The following CPVL variants were observed in gnomAD, a reference collection of about 807,000 sequenced individuals.
CPVL encodes the protein probable serine carboxypeptidase CPVL.
In CPVL, 51 loss-of-function variants were observed where a neutral mutation model predicts 63.7. That is an observed-to-expected ratio of 0.80 (90% CI 0.64 to 1.01). CPVL has a LOEUF of 1.01. Ranked by LOEUF, CPVL falls within the 50% of genes least tolerant of loss-of-function variation. The pLI, the probability that CPVL is intolerant of heterozygous loss-of-function variation, is 0.00. For synonymous variants in CPVL, 195 were observed against 206.0 expected, an observed-to-expected ratio of 0.95 and a Z score of 0.46; for missense variants, 530 against 573.1, an observed-to-expected ratio of 0.92 and a Z score of 0.77.
chr7:29,170,204 T>G (rs1316776783), intron 5 of CPVL, among the ~76,000 whole-genome samples: 3 of 152,192 alleles, frequency 2.0e-5, no homozygotes, highest in Non-Finnish European at 4.4e-5. Context: ...CCTTGGCTAC[T>G]TTATGTTTAA....
In CPVL at chr7:29,069,088, C is replaced by T. The variant is rs570556285; in HGVS notation, c.864+2685G>A. Among the ~76,000 whole-genome samples the T allele has an allele frequency of 1.1e-4, 17 of 152,178 alleles. No homozygotes were observed. The South Asian group carries it at 2.7e-3, about 24-fold the overall frequency. On this transcript the variant is annotated intron_variant, in intron 9 of 12. Coordinates refer to ENST00000265394, the MANE Select transcript of CPVL (RefSeq NM_031311.5). ...ACTCATTGTTAGAAATTATCTTCAA[C>T]ACCAGTGGGAATATAAAGTCAACCT...
chr7:29,001,827 A>G (rs1401063035), intron 12 of CPVL, among the ~76,000 whole-genome samples: 2 of 152,234 alleles, frequency 1.3e-5, no homozygotes, highest in African/African-American at 4.8e-5. Context: ...GGGGCTTCCT[A>G]TGTACACCAT....
chr7:29,180,394 G>A (rs564376133), intron 5 of CPVL, among the ~76,000 whole-genome samples: 25 of 152,172 alleles, frequency 1.6e-4, no homozygotes, highest in African/African-American at 6.0e-4. Flanking sequence ...AGGCGTGGTG[G>A]CACATGCCTG....
intron 11 of CPVL, among the ~76,000 whole-genome samples, chr7:29,052,495 T>C (rs1442243654): frequency 2.8e-5 from 4 of 143,424 alleles, no homozygotes; most frequent in Admixed American, 2.8e-4. Flanking sequence ...AAAACACAAA[T>C]TGGATTTTAT....
chr7:29,158,377 A>G (rs1794713390), intron 5 of CPVL, among the ~76,000 whole-genome samples: 1 of 152,240 alleles, frequency 6.6e-6, no homozygotes, highest in Non-Finnish European at 1.5e-5. Flanking sequence ...TGATGTGACT[A>G]AAACATGTAA....
At chr7:29,091,947 C>G (rs1286418204) in intron 6 of CPVL, among the ~76,000 whole-genome samples, 15 of 152,114 alleles carry the variant, frequency 9.9e-5, no homozygotes. Flanking sequence ...TCCTTCTGGC[C>G]ACTAGGGTTC....
chr7:29,136,623 A>C (rs1791254881), intron 1 of CPVL, among the ~76,000 whole-genome samples: 1 of 152,258 alleles, frequency 6.6e-6, no homozygotes, highest in African/African-American at 2.4e-5. Context: ...ACAGACAGGT[A>C]AAAGTATGAG....
chr7:29,166,452 T>C (rs980295726), intron 5 of CPVL, among the ~76,000 whole-genome samples: 4 of 151,820 alleles, frequency 2.6e-5, no homozygotes, highest in Admixed American at 2.0e-4. Flanking sequence ...ATGTGTTTTC[T>C]GGGTTTTTGT....
At chr7:29,047,196 G>GCACCC (rs892349962) in intron 11 of CPVL, among the ~76,000 whole-genome samples, 1 of 152,124 alleles carries the variant, frequency 6.6e-6, no homozygotes, top group African/African-American at 2.4e-5. Flanking sequence ...TGTTGTTAGA[G>GCACCC]CACCCCAGGT....
chr7:29,194,935 C>T, intron 1 of CPVL: 1 of 1,566,696 alleles, frequency 6.4e-7, no homozygotes, highest in East Asian at 2.5e-5. Flanking sequence ...GCGAGGGGCG[C>T]GCGGAGATGG....
At chr7:29,119,779 C>T (rs1470776269) in intron 2 of CPVL, among the ~76,000 whole-genome samples, 1 of 152,146 alleles carries the variant, frequency 6.6e-6, no homozygotes. Flanking sequence ...TAACGGGGCA[C>T]AGCAGGGAGG....
At chr7:29,115,056 G>C (rs764269811) in intron 2 of CPVL, among the ~76,000 whole-genome samples, 1 of 152,134 alleles carries the variant, frequency 6.6e-6, no homozygotes. Context: ...AACTAGATTA[G>C]GACTCCCCAG....
At chr7:29,011,841 A>G (rs1180155121) in intron 12 of CPVL, 1 of 152,254 alleles carries the variant, frequency 6.6e-6, no homozygotes, top group Non-Finnish European at 1.5e-5. Context: ...CAACATATCT[A>G]TAACAGTGTA....
intron 1 of CPVL, chr7:29,122,442 C>G (rs1433421380): frequency 6.6e-6 from 1 of 152,210 alleles, no homozygotes; most frequent in African/African-American, 2.4e-5. Context: ...GATGAGAAAC[C>G]TGGTCAGACA....
intron 7 of CPVL, among the ~76,000 whole-genome samples, chr7:29,073,262 T>C (rs952137156): frequency 1.3e-5 from 2 of 152,134 alleles, no homozygotes; most frequent in Admixed American, 1.3e-4. Context: ...TCTCTCTTTG[T>C]CTCGTATTCC....
chr7:29,111,960 C>A (rs562410052), intron 3 of CPVL, among the ~76,000 whole-genome samples: 3 of 152,216 alleles, frequency 2.0e-5, no homozygotes, highest in African/African-American at 4.8e-5. Context: ...TGCTTCTCAG[C>A]GCTTCCAGCA....
At chr7:29,168,628 A>G (rs1428455477) in intron 5 of CPVL, among the ~76,000 whole-genome samples, 2 of 152,152 alleles carry the variant, frequency 1.3e-5, no homozygotes, top group Admixed American at 6.5e-5. Context: ...CTCTGTTCCA[A>G]TCCCCCAACC....
intron 1 of CPVL, among the ~76,000 whole-genome samples, chr7:29,134,549 G>A (rs565342557): frequency 2.0e-4 from 31 of 152,144 alleles, no homozygotes; most frequent in Non-Finnish European, 3.7e-4. Context: ...TGTCTTTAAG[G>A]AGATAAGAGA....
chr7:29,064,351 T>A, intron 10 of CPVL, 117 bp from the exon 11 acceptor site: 1 of 564,360 alleles, frequency 1.8e-6, no homozygotes, highest in South Asian at 3.3e-5. Context: ...ACGGGACTAT[T>A]AACTTGTCGC....
Sources: allele counts gnomAD v4.1 joint callset (sites outside exome capture counted in the v4.1 genomes callset), GRCh38; gene constraint gnomAD v4.1.1; transcripts MANE v1.5; gene names NCBI Gene and HGNC (gene_info 2026-07-23, HGNC 2026-07-21).